FRAS1: variants seen among roughly 807,000 people sequenced by gnomAD.
FRAS1 encodes the protein Fraser extracellular matrix complex subunit 1.
FRAS1 carries 290 observed loss-of-function variants against 435.2 expected under a neutral mutation model. The observed-to-expected ratio is 0.67, with a 90% CI of 0.61 to 0.73. The LOEUF (loss-of-function observed/expected upper bound fraction) is 0.73. Ranked by LOEUF, FRAS1 falls within the 30% of genes least tolerant of loss-of-function variation. The pLI is 0.00. For missense variants in FRAS1, 4,860 were observed against 5,001.5 expected (o/e 0.97, Z 0.85); for synonymous variants, 1,800 against 1,851.0 (o/e 0.97, Z 0.71).
rs776867472 is a variant in FRAS1, at chr4:78,131,731, C to T, written c.108+65715C>T. The stretch of plus-strand genomic sequence containing the variant: ...AAAGAACACTGGAGCATTTGAGCAT[C>T]GTGCCAGGTAGCCCAGTGGTGTTAA... On this transcript the variant is annotated intron_variant, in intron 2 of 73. Coordinates refer to ENST00000512123, the MANE Select transcript of FRAS1 (RefSeq NM_025074.7). 1.1e-4 allele frequency among the ~76,000 whole-genome samples: 16 copies of T among 152,260 alleles called. No homozygotes were observed. The East Asian group carries it at 2.1e-3, about 20-fold the overall frequency.
At position 78,308,209 on chromosome 4, in the gene FRAS1, G is replaced by T. The variant is rs199588297; in HGVS notation, c.1678G>T (p.Ala560Ser). The T allele has an allele frequency of 1.9e-6, 3 of 1,613,730 alleles. No individual in the cohort carries two copies. Among genetic ancestry groups the T allele is most frequent in the Middle Eastern group, 1.7e-4 (1 of 6,054 alleles). Residue 560 changes from alanine (A) to serine (S), a missense_variant and splice_region_variant, in exon 15 of 74, where the codon GCT (alanine) becomes TCT (serine). Physicochemically the swap from Ala to Ser is moderately conservative, Grantham distance 99. Transcript: ENST00000512123. ...GFYNRQGTCS[A>S]CDQSCDSCGP... Reference sequence around the variant, plus strand: ...CTACAACAGGCAGGGCACCTGTAGCGGTGAGTGCTGGGTTGCGATGCTGAC... The same window carrying T: ...CTACAACAGGCAGGGCACCTGTAGCTGTGAGTGCTGGGTTGCGATGCTGAC...
chr4:78,255,290 G>A lies in FRAS1; in HGVS notation c.518G>A (p.Arg173Gln), dbSNP rs147332320. The A allele has an allele frequency of 0.013, 19,976 of 1,556,826 alleles. 165 individuals are homozygous for A. Among genetic ancestry groups the A allele is most frequent in the Middle Eastern group, 0.055 (332 of 5,996 alleles). Reference sequence around the variant, plus strand: ...GTGTTTCAGGATGGGGAGGACTGGCGGCTGAGCCGGTGTGCCAAATGTCTG... The same window carrying A: ...GTGTTTCAGGATGGGGAGGACTGGCAGCTGAGCCGGTGTGCCAAATGTCTG... ...GHVFQDGEDW[R>Q]LSRCAKCLCR... Residue 173 changes from arginine to glutamine, a missense_variant, in exon 6 of 74, where the codon CGG (arginine) becomes CAG (glutamine). Coordinates refer to ENST00000512123, the MANE Select transcript of FRAS1 (RefSeq NM_025074.7).
chr4:78,273,276 T>C lies in FRAS1; in HGVS notation c.982-5379T>C, dbSNP rs186526428. Among the ~76,000 whole-genome samples, 12 of 152,328 alleles carry C rather than the reference T, an allele frequency of 7.9e-5. No homozygotes were observed. The East Asian group carries it at 1.9e-3, about 24-fold the overall frequency. ...CTCTGCAAATAGGGACAATTTGACT[T>C]CCTCTTTTCCTAATTGAACACCCTT... On this transcript the variant is annotated intron_variant, in intron 9 of 73. Coordinates refer to ENST00000512123, the MANE Select transcript of FRAS1 (RefSeq NM_025074.7).
chr4:78,125,961 T>C (rs1719327761), intron 2 of FRAS1, among the ~76,000 whole-genome samples: 1 of 152,162 alleles, frequency 6.6e-6, no homozygotes, highest in Non-Finnish European at 1.5e-5. Flanking sequence ...CTGCTGCCTT[T>C]TGTTCAGATA....
At chr4:78,423,383 T>C (rs1578314980) in intron 34 of FRAS1, among the ~76,000 whole-genome samples, 1 of 152,052 alleles carries the variant, frequency 6.6e-6, no homozygotes, top group South Asian at 2.1e-4. Context: ...GTCAGGCTGG[T>C]CTTGAACTCC....
chr4:78,464,470 C>T lies in FRAS1; in HGVS notation c.6916C>T (p.His2306Tyr), dbSNP rs372150452. ...EVTQTFHITL[H>Y]PVDDSLPVVQ... Reference sequence around the variant, plus strand: ...GACTCAGACTTTCCATATCACTCTTCACCCTGTCGATGATTCGCTGCCCGT... The same window carrying T: ...GACTCAGACTTTCCATATCACTCTTTACCCTGTCGATGATTCGCTGCCCGT... Residue 2306 changes from histidine to tyrosine, a missense_variant, in exon 49 of 74, where the codon CAC (histidine) becomes TAC (tyrosine). Physicochemically the swap from His to Tyr is moderately conservative, Grantham distance 83. Coordinates refer to ENST00000512123, the MANE Select transcript of FRAS1 (RefSeq NM_025074.7). 6.4e-5 allele frequency: 104 copies of T among 1,613,908 alleles called. No individual in the cohort carries two copies. The highest frequency in any genetic ancestry group is 8.1e-5 in the Non-Finnish European group (96 of 1,179,874).
chr4:78,535,215 G>C (rs1211233483), intron 71 of FRAS1, among the ~76,000 whole-genome samples: 1 of 152,068 alleles, frequency 6.6e-6, no homozygotes, highest in African/African-American at 2.4e-5. Context: ...CCCCTTCCGT[G>C]TTAGTGTCCC....
intron 2 of FRAS1, among the ~76,000 whole-genome samples, chr4:78,101,768 G>A (rs1742145221): frequency 6.6e-6 from 1 of 152,138 alleles, no homozygotes; most frequent in South Asian, 2.1e-4. Flanking sequence ...GCAGAATGAG[G>A]AGAAGAAATA....
chr4:78,121,575 T>TAGCCAGCCTTGCCTGGG (rs951992566), intron 2 of FRAS1, among the ~76,000 whole-genome samples: 1 of 152,228 alleles, frequency 6.6e-6, no homozygotes, highest in Non-Finnish European at 1.5e-5. Flanking sequence ...GTGCAGGAAT[T>TAGCCAGCCTTGCCTGGG]AGCCAGCCTT....
intron 4 of FRAS1, among the ~76,000 whole-genome samples, chr4:78,252,079 C>T (rs1247224592): frequency 6.6e-6 from 1 of 151,974 alleles, no homozygotes; most frequent in Admixed American, 6.6e-5. Context: ...TGAATTGGGG[C>T]TTTATAGAAT....
intron 14 of FRAS1, among the ~76,000 whole-genome samples, chr4:78,298,294 G>GGT (rs1411485075): frequency 1.6e-4 from 11 of 67,000 alleles, no homozygotes; most frequent in East Asian, 3.8e-4. Flanking sequence ...GATATTATAA[G>GGT]GTGTATATAT....
rs574328544 is a variant in FRAS1, at chr4:78,114,526, T to C, written c.108+48510T>C. The stretch of plus-strand genomic sequence containing the variant: ...TTCATTGAGCAGTGGTTTGTAGTTC[T>C]CTTGAAGAGGTCCTTCATGTCCCTT... On this transcript the variant is annotated intron_variant, in intron 2 of 73. Transcript: ENST00000512123. Among the ~76,000 whole-genome samples, 4 of 151,896 alleles carry C rather than the reference T, an allele frequency of 2.6e-5. 1 individual carries two copies. In the South Asian group the frequency reaches 8.3e-4, roughly 32 times the overall value.
intron 3 of FRAS1, 28 bp from the exon 4 acceptor site, chr4:78,245,205 T>C (rs899990144): frequency 1.3e-6 from 2 of 1,520,086 alleles, no homozygotes; most frequent in Non-Finnish European, 1.8e-6. Flanking sequence ...TGCTGCTGTT[T>C]TACTTTGAGC....
At chr4:78,506,469 C>T (rs1720846480) in intron 61 of FRAS1, among the ~76,000 whole-genome samples, 1 of 152,258 alleles carries the variant, frequency 6.6e-6, no homozygotes, top group African/African-American at 2.4e-5. Flanking sequence ...AGACACCCCT[C>T]CCCCAGCCAG....
At chr4:78,490,874 T>G (rs1180696451) in intron 59 of FRAS1, among the ~76,000 whole-genome samples, 2 of 152,040 alleles carry the variant, frequency 1.3e-5, no homozygotes, top group Non-Finnish European at 2.9e-5. Context: ...GAGCTGGTTT[T>G]TTTTTTAAAG....
chr4:78,086,270 A>C (rs1453436117), intron 2 of FRAS1, among the ~76,000 whole-genome samples: 9 of 152,362 alleles, frequency 5.9e-5, no homozygotes, highest in African/African-American at 1.7e-4. Flanking sequence ...GGACACATTA[A>C]AAGCAGTGTG....
intron 14 of FRAS1, among the ~76,000 whole-genome samples, chr4:78,299,410 T>C (rs1728287072): frequency 6.6e-6 from 1 of 152,194 alleles, no homozygotes; most frequent in East Asian, 1.9e-4. Flanking sequence ...TGTCAGACCT[T>C]TTGTTTGTGG....
At chr4:78,171,909 G>C (rs867427380) in intron 2 of FRAS1, among the ~76,000 whole-genome samples, 14 of 151,972 alleles carry the variant, frequency 9.2e-5, no homozygotes, top group South Asian at 8.3e-4. Flanking sequence ...CATCTTGCTA[G>C]CTGTATCTAC....
chr4:78,230,802 AG>A (rs1447774769), intron 2 of FRAS1, among the ~76,000 whole-genome samples: 8 of 152,246 alleles, frequency 5.3e-5, no homozygotes, highest in African/African-American at 1.9e-4. Context: ...CAGGAAATTT[AG>A]ATAAATTGCT....
Sources: allele counts gnomAD v4.1 joint callset (sites outside exome capture counted in the v4.1 genomes callset), GRCh38; gene constraint gnomAD v4.1.1; transcripts MANE v1.5; gene names NCBI Gene and HGNC (gene_info 2026-07-23, HGNC 2026-07-21).